The following NEBL variants were observed in gnomAD, a reference collection of about 807,000 sequenced individuals.
NEBL encodes nebulette.
In NEBL, 122 loss-of-function variants were observed where a neutral mutation model predicts 140.2. The observed-to-expected ratio is 0.87, with a 90% CI of 0.75 to 1.01. NEBL has a LOEUF of 1.01. NEBL is among the 50% of genes least tolerant of loss of function. The probability of loss-of-function intolerance (pLI) is 0.00; values close to 1 mark genes in which losing one functional copy is unlikely to be tolerated. For synonymous variants in NEBL, 436 were observed against 398.9 expected, an observed-to-expected ratio of 1.09 and a Z score of -1.11; for missense variants, 1,365 against 1,231.3, an observed-to-expected ratio of 1.11 and a Z score of -1.62.
At chr10:20,788,590 A>G (rs901305841) in intron 26 of NEBL, among the ~76,000 whole-genome samples, 10 of 152,208 alleles carry the variant, frequency 6.6e-5, no homozygotes, top group African/African-American at 2.4e-4. Flanking sequence ...GAGTGAATTT[A>G]TCTTATAAAG....
At chr10:20,831,433 C>T (rs373241569) in intron 15 of NEBL, 40 bp downstream of exon 15, 33 of 1,542,842 alleles carry the variant, frequency 2.1e-5, no homozygotes, top group Middle Eastern at 1.7e-4. Flanking sequence ...CTATGATTCA[C>T]GGCATTTATT....
rs955064987 is a variant in NEBL, at chr10:21,188,547, G to A, written n.349-16070C>T. Among the ~76,000 whole-genome samples, 3 of 151,252 alleles carry A rather than the reference G, an allele frequency of 2.0e-5. No homozygotes were observed. The East Asian group carries it at 5.8e-4, about 29-fold the overall frequency. On this transcript the variant is annotated intron_variant and non_coding_transcript_variant, in intron 3 of 8. Transcript: ENST00000675702. ...TGCCTAAGTATAATAGTTGCAAAAT[G>A]TGAACATGCAAAAATGAAATTTAAA...
chr10:21,267,301 A>C lies in NEBL; in HGVS notation n.183-15473T>G, dbSNP rs536272411. ...TCTAATTTTTGTTTTTTCAGTAAAG[A>C]CAGGGTTTTGCCATGTTGGCCAGGC... is the stretch of plus-strand genomic sequence containing the variant. On this transcript the variant is annotated intron_variant and non_coding_transcript_variant, in intron 1 of 8. Transcript: ENST00000675702. Among the ~76,000 whole-genome samples the C allele has an allele frequency of 3.3e-5, 5 of 152,142 alleles. No individual in the cohort carries two copies. The South Asian group carries it at 1.0e-3, about 32-fold the overall frequency.
intron 4 of NEBL, among the ~76,000 whole-genome samples, chr10:20,951,893 T>C (rs573959610): frequency 6.6e-6 from 1 of 152,220 alleles, no homozygotes; most frequent in African/African-American, 2.4e-5. Context: ...AATTGAGACG[T>C]GAAGCTAGTC....
intron 2 of NEBL, among the ~76,000 whole-genome samples, chr10:21,054,300 A>G (rs987460574): frequency 6.6e-6 from 1 of 152,144 alleles, no homozygotes; most frequent in African/African-American, 2.4e-5. Flanking sequence ...AAAAACAAAA[A>G]GTGCCAGTTA....
chr10:20,797,927 C>A (rs1226608529), intron 26 of NEBL, among the ~76,000 whole-genome samples: 2 of 151,844 alleles, frequency 1.3e-5, no homozygotes, highest in African/African-American at 4.8e-5. Context: ...AGAGCAAGAA[C>A]CATCTCCGCA....
intron 4 of NEBL, among the ~76,000 whole-genome samples, chr10:20,943,260 T>C (rs1834981796): frequency 6.6e-6 from 1 of 152,162 alleles, no homozygotes; most frequent in African/African-American, 2.4e-5. Flanking sequence ...TATGCAGCCA[T>C]AAAAATTGAT....
chr10:20,832,837 C>G (rs1329004588), intron 14 of NEBL, among the ~76,000 whole-genome samples: 1 of 152,046 alleles, frequency 6.6e-6, no homozygotes, highest in Non-Finnish European at 1.5e-5. Flanking sequence ...ACTTACACTC[C>G]CAGTATCACT....
intron 2 of NEBL, among the ~76,000 whole-genome samples, chr10:21,128,374 A>G (rs1193051084): frequency 6.6e-6 from 1 of 152,136 alleles, no homozygotes; most frequent in African/African-American, 2.4e-5. Flanking sequence ...AAAAAGGAGA[A>G]GAGGCTCTCC....
intron 4 of NEBL, among the ~76,000 whole-genome samples, chr10:20,960,168 T>C (rs1380192077): frequency 1.3e-5 from 2 of 152,100 alleles, no homozygotes; most frequent in African/African-American, 2.4e-5. Flanking sequence ...TGAAATAAAA[T>C]TCAGTGATTG....
chr10:20,990,404 G>T (rs575254499), intron 3 of NEBL, among the ~76,000 whole-genome samples: 1 of 152,170 alleles, frequency 6.6e-6, no homozygotes, highest in African/African-American at 2.4e-5. Context: ...GGGACCTCGT[G>T]ATTGGGATTA....
chr10:21,070,748 T>C (rs1182319754), intron 2 of NEBL, among the ~76,000 whole-genome samples: 1 of 152,366 alleles, frequency 6.6e-6, no homozygotes, highest in East Asian at 1.9e-4. Flanking sequence ...AGGCTGTGCT[T>C]GAATTTCTTC....
At chr10:21,230,241 A>G (rs896975540) in intron 3 of NEBL, among the ~76,000 whole-genome samples, 1 of 152,028 alleles carries the variant, frequency 6.6e-6, no homozygotes, top group African/African-American at 2.4e-5. Flanking sequence ...CTGGATTTGA[A>G]TCTCCCTTCT....
chr10:21,270,169 C>T (rs148134488), intron 1 of NEBL, among the ~76,000 whole-genome samples: 1 of 152,148 alleles, frequency 6.6e-6, no homozygotes, highest in Non-Finnish European at 1.5e-5. Context: ...GATACTGCAA[C>T]TCCCCTACAG....
At chr10:21,263,400 G>A (rs1842763089) in intron 1 of NEBL, among the ~76,000 whole-genome samples, 1 of 152,096 alleles carries the variant, frequency 6.6e-6, no homozygotes, top group Non-Finnish European at 1.5e-5. Context: ...AAGGGAAAGG[G>A]GGCGGGGGGT....
intron 2 of NEBL, among the ~76,000 whole-genome samples, chr10:21,092,135 T>C (rs1327476267): frequency 6.6e-6 from 1 of 152,238 alleles, no homozygotes; most frequent in Non-Finnish European, 1.5e-5. Context: ...TGTCCAAAGA[T>C]ACATTAAGCA....
intron 4 of NEBL, among the ~76,000 whole-genome samples, chr10:20,913,846 C>T (rs1021925646): frequency 1.3e-5 from 2 of 152,238 alleles, no homozygotes; most frequent in South Asian, 2.1e-4. Flanking sequence ...AATATTTATG[C>T]TCATGTACTG....
At chr10:20,859,629 T>C in intron 8 of NEBL, 84 bp downstream of exon 8, 1 of 832,390 alleles carries the variant, frequency 1.2e-6, no homozygotes, top group Non-Finnish European at 2.0e-6. Flanking sequence ...GGAAGCTAAG[T>C]ATCAGTAATT....
intron 26 of NEBL, among the ~76,000 whole-genome samples, chr10:20,795,783 G>T (rs565706975): frequency 6.6e-6 from 1 of 152,190 alleles, no homozygotes; most frequent in South Asian, 2.1e-4. Flanking sequence ...TGTGTACAAC[G>T]CTGCCTGAAA....
Sources: allele counts gnomAD v4.1 joint callset (sites outside exome capture counted in the v4.1 genomes callset), GRCh38; gene constraint gnomAD v4.1.1; transcripts MANE v1.5; gene names NCBI Gene and HGNC (gene_info 2026-07-23, HGNC 2026-07-21).